SYNJ1: variants seen among roughly 807,000 people sequenced by gnomAD.
The protein encoded by SYNJ1 is polyphosphatidylinositol phosphatase SYNJ1.
SYNJ1 carries 78 observed loss-of-function variants against 168.2 expected under a neutral mutation model. The observed-to-expected ratio is 0.46, with a 90% CI of 0.39 to 0.56. SYNJ1 has a LOEUF of 0.56. SYNJ1 is among the 20% of genes least tolerant of loss of function. The pLI is 0.00. For missense variants in SYNJ1, 1,303 were observed against 1,597.6 expected (o/e 0.82, Z 3.14); for synonymous variants, 539 against 548.6 (o/e 0.98, Z 0.24).
intron 15 of SYNJ1, among the ~76,000 whole-genome samples, chr21:32,668,376 T>C (rs558115174): frequency 1.8e-4 from 28 of 152,244 alleles, no homozygotes; most frequent in Middle Eastern, 3.4e-3. Flanking sequence ...CCTAAAGAAT[T>C]TGATTAAACC....
At chr21:32,632,833 A>G (rs1393543745) in intron 32 of SYNJ1, among the ~76,000 whole-genome samples, 1 of 152,158 alleles carries the variant, frequency 6.6e-6, no homozygotes, top group African/African-American at 2.4e-5. Flanking sequence ...CAGCCTGGCC[A>G]ACATAATGAA....
At chr21:32,655,486 A>G (rs1413088407) in intron 21 of SYNJ1, among the ~76,000 whole-genome samples, 1 of 152,016 alleles carries the variant, frequency 6.6e-6, no homozygotes, top group Admixed American at 6.6e-5. Context: ...TTGTTCATTT[A>G]CTCTCTGAAA....
intron 15 of SYNJ1, among the ~76,000 whole-genome samples, chr21:32,667,067 T>G (rs1569066385): frequency 6.6e-6 from 1 of 151,800 alleles, no homozygotes; most frequent in Non-Finnish European, 1.5e-5. Context: ...TATATTGTAA[T>G]GTTTAGGGAA....
At chr21:32,653,550 A>C in intron 21 of SYNJ1, 184 bp from the exon 22 acceptor site, 2 of 537,452 alleles carry the variant, frequency 3.7e-6, no homozygotes, top group Non-Finnish European at 6.7e-6. Flanking sequence ...AAACACTCTA[A>C]CTCCAATTTC....
intron 23 of SYNJ1, among the ~76,000 whole-genome samples, chr21:32,647,550 G>A (rs1458416117): frequency 1.3e-5 from 2 of 152,066 alleles, no homozygotes; most frequent in African/African-American, 2.4e-5. Context: ...CTCTCCCTTG[G>A]CTACTCCTTC....
chr21:32,699,527 C>T lies in SYNJ1; in HGVS notation c.479+311G>A, dbSNP rs193085459. Among the ~76,000 whole-genome samples the T allele has an allele frequency of 2.7e-3, 409 of 152,228 alleles. 3 individuals carry two copies. Among genetic ancestry groups the T allele is most frequent in the Non-Finnish European group, 2.3e-3 (159 of 68,016 alleles). ...CTTAACAACATTCTGACAGTTCGAC[C>T]ACGGAGTGAGTACTGAGCATCCTAA... On this transcript the variant is annotated intron_variant, in intron 4 of 32. Transcript: ENST00000674351.
chr21:32,657,531 A>C (rs757973796), intron 19 of SYNJ1, among the ~76,000 whole-genome samples, 185 bp downstream of exon 19: 1 of 152,236 alleles, frequency 6.6e-6, no homozygotes, highest in Non-Finnish European at 1.5e-5. Flanking sequence ...ATAGGCTGAA[A>C]AATTAAATAA....
chr21:32,698,577 T>C (rs2042291696), intron 4 of SYNJ1, among the ~76,000 whole-genome samples: 1 of 152,186 alleles, frequency 6.6e-6, no homozygotes, highest in Non-Finnish European at 1.5e-5. Context: ...TCAACATCAA[T>C]GCTGGCTGTA....
At chr21:32,705,041 C>T (rs530854816) in intron 2 of SYNJ1, among the ~76,000 whole-genome samples, 23 of 150,598 alleles carry the variant, frequency 1.5e-4, no homozygotes, top group Non-Finnish European at 2.7e-4. Context: ...CCCAGCTACT[C>T]GGGAAGTTGA....
rs763299846 is a variant in SYNJ1, at chr21:32,708,145, G to A, written c.125-6098C>T. ...ATGTGTATGCCTGTGGCAGGGAGTA[G>A]TAAGGTGGGGGTGGGAAATATAGGC... is the stretch of plus-strand genomic sequence containing the variant. On this transcript the variant is annotated intron_variant, in intron 2 of 32. Transcript: ENST00000674351. Among the ~76,000 whole-genome samples the A allele has an allele frequency of 8.5e-5, 13 of 152,218 alleles. No individual in the cohort carries two copies. In the Middle Eastern group the frequency reaches 0.01, roughly 119 times the overall value.
intron 29 of SYNJ1, 112 bp from the exon 30 acceptor site, chr21:32,639,891 TA>T: frequency 1.2e-6 from 1 of 816,368 alleles, no homozygotes; most frequent in East Asian, 2.7e-5. Context: ...TATTAGTCCC[TA>T]ATTTGTCATT....
chr21:32,631,763 T>C lies in SYNJ1; in HGVS notation c.*42A>G. The C allele has an allele frequency of 6.2e-7, 1 of 1,612,882 alleles. No homozygotes were observed. Among genetic ancestry groups the C allele is most frequent in the Non-Finnish European group, 8.5e-7 (1 of 1,179,406 alleles). ...CTTCAAATGGGTCAATCTTTAATGG[T>C]GATTCTCTTTTGCCATCAGAGATTC... On this transcript the variant is annotated 3_prime_UTR_variant, in exon 33 of 33. Transcript: ENST00000674351.
In SYNJ1 at chr21:32,694,211, G is replaced by C; in HGVS notation, c.789+17C>G. The C allele has an allele frequency of 6.6e-7, 1 of 1,511,634 alleles. No homozygotes were observed. Among genetic ancestry groups the C allele is most frequent in the Non-Finnish European group, 8.8e-7 (1 of 1,135,770 alleles). The allele number at this position is 1,511,634 out of a possible 1,614,324, so 93.6% of individuals were successfully genotyped here. A position where few individuals can be genotyped will look rare whatever the true frequency, so the allele number is the denominator to read the frequency against. Reference sequence around the variant, plus strand: ...AATTGTTCAAAAAACAAAAATAACTGAATGTCAAACACATACTTGCAACCC... The same window carrying C: ...AATTGTTCAAAAAACAAAAATAACTCAATGTCAAACACATACTTGCAACCC... On this transcript the variant is annotated intron_variant, in intron 6 of 32. Coordinates refer to ENST00000674351, the MANE Select transcript of SYNJ1 (RefSeq NM_203446.3).
chr21:32,685,978 A>G, intron 8 of SYNJ1, 61 bp from the exon 9 acceptor site: 1 of 1,529,974 alleles, frequency 6.5e-7, no homozygotes, highest in Non-Finnish European at 8.8e-7. Flanking sequence ...ATCCATCTAA[A>G]TATTCATCAC....
chr21:32,713,039 A>G (rs2042884517), intron 2 of SYNJ1, among the ~76,000 whole-genome samples: 1 of 152,248 alleles, frequency 6.6e-6, no homozygotes, highest in Non-Finnish European at 1.5e-5. Flanking sequence ...TGTCAACAAA[A>G]CAGCTAAATA....
intron 13 of SYNJ1, among the ~76,000 whole-genome samples, chr21:32,674,140 C>A (rs1161959102): frequency 6.6e-6 from 1 of 152,164 alleles, no homozygotes; most frequent in African/African-American, 2.4e-5. Context: ...AGGCCCTCAA[C>A]AATTTGTCTT....
chr21:32,633,560 G>A (rs1164751934), intron 32 of SYNJ1, among the ~76,000 whole-genome samples: 1 of 152,168 alleles, frequency 6.6e-6, no homozygotes, highest in Non-Finnish European at 1.5e-5. Context: ...TTCAAGACTG[G>A]CAATGTAATA....
intron 18 of SYNJ1, among the ~76,000 whole-genome samples, chr21:32,663,395 G>C (rs968640631): frequency 6.6e-6 from 1 of 152,206 alleles, no homozygotes; most frequent in African/African-American, 2.4e-5. Context: ...AATCCATTTA[G>C]TAAATTCCCA....
At chr21:32,668,805 G>A (rs1454135586) in intron 15 of SYNJ1, among the ~76,000 whole-genome samples, 2 of 152,148 alleles carry the variant, frequency 1.3e-5, no homozygotes, top group African/African-American at 4.8e-5. Flanking sequence ...ATCTTTGAGG[G>A]TTCCCAAAGC....
Sources: gnomAD v4.1 joint callset for allele counts (sites outside exome capture counted in the v4.1 genomes callset) on GRCh38, gnomAD v4.1.1 for gene constraint, MANE v1.5 for transcripts, NCBI Gene and HGNC (gene_info 2026-07-23, HGNC 2026-07-21) for gene names.